The following ACTN1 variants were observed in gnomAD, a reference collection of about 807,000 sequenced individuals.
ACTN1 encodes actinin alpha 1, also known as alpha-actinin-1.
Under a neutral mutation model 119.6 loss-of-function variants are expected in ACTN1, and 30 were observed. The ratio of observed to expected loss-of-function variants is 0.25; its 90% CI spans 0.19 to 0.34. ACTN1 has a LOEUF of 0.34. Among genes scored for constraint, ACTN1 ranks in the 10% least tolerant of loss-of-function variants. The pLI is 1.00. For missense variants in ACTN1, 764 were observed against 1,223.4 expected, an observed-to-expected ratio of 0.62 and a Z score of 5.60; for synonymous variants, 429 against 472.6, an observed-to-expected ratio of 0.91 and a Z score of 1.20.
chr14:68,888,050 G>A (rs2032169951), intron 11 of ACTN1: 2 of 724,120 alleles, frequency 2.8e-6, no homozygotes, highest in Admixed American at 1.8e-5. Context: ...TTCCTTGGCG[G>A]CTCCTTCAGC....
chr14:68,892,306 G>A (rs1477729091), intron 9 of ACTN1, 23 bp from the exon 10 acceptor site: 11 of 1,598,878 alleles, frequency 6.9e-6, no homozygotes, highest in East Asian at 2.2e-5. Flanking sequence ...GGCGGTGGGG[G>A]CAGGAGGTGA....
intron 8 of ACTN1, among the ~76,000 whole-genome samples, chr14:68,899,431 ACC>A (rs1190978896): frequency 7.9e-6 from 1 of 126,270 alleles, no homozygotes; most frequent in East Asian, 2.3e-4. Flanking sequence ...CATTCCCCAC[ACC>A]CCCCAGACAC....
intron 4 of ACTN1, 46 bp from the exon 5 acceptor site, chr14:68,910,088 G>C: frequency 2.0e-6 from 3 of 1,534,386 alleles, no homozygotes; most frequent in Non-Finnish European, 1.8e-6. Context: ...CTGACTCGGT[G>C]GAGGGAGGGA....
At chr14:68,916,201 C>A (rs1377364167) in intron 3 of ACTN1, among the ~76,000 whole-genome samples, 1 of 152,060 alleles carries the variant, frequency 6.6e-6, no homozygotes, top group African/African-American at 2.4e-5. Context: ...CATGGTTTGG[C>A]CTTCCTAGGA....
chr14:68,896,276 A>G (rs570672709), intron 8 of ACTN1, among the ~76,000 whole-genome samples: 2 of 152,270 alleles, frequency 1.3e-5, no homozygotes, highest in South Asian at 4.1e-4. Flanking sequence ...CTCCCCCTAC[A>G]GGCAGGATGC....
At chr14:68,913,228 C>T (rs928325507) in intron 3 of ACTN1, among the ~76,000 whole-genome samples, 22 of 152,246 alleles carry the variant, frequency 1.4e-4, no homozygotes, top group African/African-American at 4.8e-4. Context: ...CATAAATAAG[C>T]CCTATTTTAA....
chr14:68,925,692 G>C lies in ACTN1; in HGVS notation c.106-20C>G. The C allele has an allele frequency of 1.3e-6, 2 of 1,598,982 alleles. No homozygotes were observed. Among genetic ancestry groups the C allele is most frequent in the Non-Finnish European group, 1.7e-6 (2 of 1,169,118 alleles). On this transcript the variant is annotated intron_variant, in intron 1 of 21. Transcript: ENST00000394419. This position sits in a 1 kb window ranked among gnomAD's most constrained non-coding sequence, Gnocchi z 4.3. ...GAATGTCTGGGCAGAGACAAGAAGG[G>C]CAAGTGGTCAGGGGGCTGGTGTTGT...
At chr14:68,936,984 C>T (rs1243042445) in intron 1 of ACTN1, 2 of 365,494 alleles carry the variant, frequency 5.5e-6, no homozygotes, top group African/African-American at 4.3e-5. Flanking sequence ...CTGATGTACT[C>T]CAGGGTCTTT....
At chr14:68,905,939 C>T (rs757820446) in intron 6 of ACTN1, among the ~76,000 whole-genome samples, 21 of 150,178 alleles carry the variant, frequency 1.4e-4, no homozygotes, top group Non-Finnish European at 2.7e-4. Context: ...GCCAAGATCG[C>T]GCTGCTGCAC....
intron 1 of ACTN1, chr14:68,978,525 C>G (rs900373331): frequency 9.6e-6 from 3 of 310,968 alleles, no homozygotes; most frequent in East Asian, 2.4e-4. Context: ...GGCGCTGCCA[C>G]CGCACGCCAT....
intron 1 of ACTN1, among the ~76,000 whole-genome samples, chr14:68,972,937 T>C (rs946809933): frequency 3.9e-5 from 6 of 152,188 alleles, no homozygotes; most frequent in African/African-American, 1.4e-4. Flanking sequence ...ACTATAATTA[T>C]TATGAGAAAA....
chr14:68,902,026 ATGATG>A (rs1483825692), intron 8 of ACTN1, among the ~76,000 whole-genome samples: 2 of 152,232 alleles, frequency 1.3e-5, no homozygotes, highest in Non-Finnish European at 2.9e-5. Flanking sequence ...GTGGGGCTTT[ATGATG>A]CCTTTGCCAA....
At chr14:68,875,066 A>G in intron 21 of ACTN1, 49 bp from the exon 22 acceptor site, 1 of 1,604,648 alleles carries the variant, frequency 6.2e-7, no homozygotes. Flanking sequence ...GCAGCCGTAA[A>G]GCGGCGCGGC....
intron 1 of ACTN1, among the ~76,000 whole-genome samples, chr14:68,968,279 A>G (rs1279024657): frequency 6.6e-6 from 1 of 152,238 alleles, no homozygotes; most frequent in Admixed American, 6.5e-5. Flanking sequence ...GCCACCGCAG[A>G]GGCAGGAAGC....
At chr14:68,917,176 G>A (rs968040931) in intron 3 of ACTN1, among the ~76,000 whole-genome samples, 3 of 152,224 alleles carry the variant, frequency 2.0e-5, no homozygotes, top group East Asian at 3.9e-4. Context: ...ACCAAATATC[G>A]TAGGGGAGAC....
chr14:68,925,726 T>C lies in ACTN1; in HGVS notation c.106-54A>G, dbSNP rs953069891. The stretch of plus-strand genomic sequence containing the variant: ...CAGGGGGCTGGTGTTGTCACCCTCA[T>C]TGGACAAGCCATTTAATGGTGCCAG... On this transcript the variant is annotated intron_variant, in intron 1 of 21. Transcript: ENST00000394419. The surrounding 1 kb of genome is among the most constrained non-coding windows in gnomAD (Gnocchi z 4.3). The C allele has an allele frequency of 4.1e-6, 6 of 1,466,760 alleles. No homozygotes were observed. Among genetic ancestry groups the C allele is most frequent in the African/African-American group, 2.8e-5 (2 of 71,654 alleles). 90.9% of individuals were successfully genotyped at this position (1,466,760 alleles called of 1,614,324 possible).
chr14:68,882,972 A>G lies in ACTN1; in HGVS notation c.1719T>C (p.Asn573=), dbSNP rs1228946479. ...KERLAILGIH[N]EVSKIVQTYH... ...AGGTCTGGACAATCTTGGACACCTC[A>G]TTGTGGATGCCCAGGATGGCCAGGC... The change falls in exon 15 of 22, where the codon AAT becomes AAC. Residue 573 remains asparagine (N), a synonymous_variant. Coordinates refer to ENST00000394419, the MANE Select transcript of ACTN1 (RefSeq NM_001130004.2). The surrounding 1 kb of genome is among the most constrained non-coding windows in gnomAD (Gnocchi z 4.5). 11 of 1,614,204 alleles carry G rather than the reference A, an allele frequency of 6.8e-6. No homozygotes were observed. The highest frequency in any genetic ancestry group is 8.5e-6 in the Non-Finnish European group (10 of 1,180,042).
At chr14:68,971,886 C>T (rs548198471) in intron 1 of ACTN1, among the ~76,000 whole-genome samples, 18 of 152,338 alleles carry the variant, frequency 1.2e-4, no homozygotes, top group African/African-American at 4.3e-4. Flanking sequence ...CTTTTATTCT[C>T]CTCCCGCTTC....
At chr14:68,940,364 CCCGGGGT>C (rs1306335903) in intron 1 of ACTN1, among the ~76,000 whole-genome samples, 2 of 152,160 alleles carry the variant, frequency 1.3e-5, no homozygotes, top group Non-Finnish European at 2.9e-5. Context: ...AATATGGGAA[CCCGGGGT>C]CTGGCAGACT....
Sources: gnomAD v4.1 joint callset for allele counts (sites outside exome capture counted in the v4.1 genomes callset) on GRCh38, gnomAD v4.1.1 for gene constraint, Gnocchi (gnomAD v3.1) non-coding constraint, MANE v1.5 for transcripts, NCBI Gene and HGNC (gene_info 2026-07-23, HGNC 2026-07-21) for gene names.